The following NAV3 variants were observed in gnomAD, a reference collection of about 807,000 sequenced individuals.
NAV3 encodes the protein neuron navigator 3, also known as pore membrane and/or filament interacting like protein 1.
A neutral mutation model predicts 244.7 loss-of-function variants in NAV3; 87 were observed. The ratio of observed to expected loss-of-function variants is 0.36; its 90% CI spans 0.30 to 0.42. The LOEUF (loss-of-function observed/expected upper bound fraction) is 0.42. Among genes scored for constraint, NAV3 ranks in the 20% least tolerant of loss-of-function variants. NAV3 has a pLI of 1.00. For missense variants in NAV3, 2,663 were observed against 2,893.3 expected (o/e 0.92, Z 1.83); for synonymous variants, 1,126 against 1,042.2 (o/e 1.08, Z -1.55).
chr12:78,112,030 C>T (rs1479150649), intron 12 of NAV3, among the ~76,000 whole-genome samples: 3 of 152,156 alleles, frequency 2.0e-5, no homozygotes, highest in African/African-American at 7.2e-5. Flanking sequence ...AGAAGGTTCT[C>T]ATTTATTGGG....
At chr12:77,582,593 A>G (rs766456793) in intron 2 of NAV3, among the ~76,000 whole-genome samples, 9 of 152,230 alleles carry the variant, frequency 5.9e-5, no homozygotes, top group South Asian at 4.1e-4. Flanking sequence ...GATAAGCTAC[A>G]CAAAGAAAAT....
chr12:78,209,219 G>T (rs1199229066), intron 39 of NAV3, among the ~76,000 whole-genome samples: 4 of 151,982 alleles, frequency 2.6e-5, no homozygotes, highest in Non-Finnish European at 5.9e-5. Flanking sequence ...GCTGAAATTG[G>T]TGATTACCAG....
intron 1 of NAV3, among the ~76,000 whole-genome samples, chr12:77,881,710 T>C (rs1303292216): frequency 6.6e-6 from 1 of 152,078 alleles, no homozygotes; most frequent in Non-Finnish European, 1.5e-5. Flanking sequence ...CTAGAACTGG[T>C]AAGTGACTTT....
chr12:77,970,769 T>C (rs912198335), intron 5 of NAV3, among the ~76,000 whole-genome samples: 9 of 152,076 alleles, frequency 5.9e-5, no homozygotes, highest in Non-Finnish European at 1.0e-4. Flanking sequence ...GTGTTTTATG[T>C]GTTATTATTT....
At chr12:77,821,576 C>A (rs1872746984) in intron 2 of NAV3, among the ~76,000 whole-genome samples, 1 of 152,076 alleles carries the variant, frequency 6.6e-6, no homozygotes, top group African/African-American at 2.4e-5. Context: ...ACAACCATTG[C>A]AAATGACATT....
chr12:77,675,175 T>C (rs922777241), intron 2 of NAV3, among the ~76,000 whole-genome samples: 1 of 152,224 alleles, frequency 6.6e-6, no homozygotes, highest in African/African-American at 2.4e-5. Context: ...TTACATTGTT[T>C]GTTATTAATT....
In NAV3 at chr12:78,116,874, C is replaced by T. The variant is rs527886435; in HGVS notation, c.2739C>T (p.Asn913=). ...NTTSSVSSYS[N]ITVPSRKNTQ... is the part of the protein sequence containing the mutation. The stretch of plus-strand genomic sequence containing the variant: ...CATCCTCTGTCAGCTCTTACTCCAA[C>T]ATCACCGTCCCCTCTAGGAAGAATA... The change falls in exon 13 of 40, where the codon AAC becomes AAT. Residue 913 remains asparagine (N), a synonymous_variant. Transcript: ENST00000397909. 1 of 1,613,344 alleles carries T rather than the reference C, an allele frequency of 6.2e-7. No individual in the cohort carries two copies. Among genetic ancestry groups the T allele is most frequent in the East Asian group, 2.2e-5 (1 of 44,826 alleles).
intron 2 of NAV3, among the ~76,000 whole-genome samples, chr12:77,799,911 TG>T (rs1871614424): frequency 6.6e-6 from 1 of 152,210 alleles, no homozygotes; most frequent in Non-Finnish European, 1.5e-5. Flanking sequence ...ATAATGCTAC[TG>T]TAGTTTTTGA....
At position 78,206,360 on chromosome 12, in the gene NAV3, G is replaced by C. The variant is rs544456382; in HGVS notation, c.7038+1222G>C. Among the ~76,000 whole-genome samples the C allele has an allele frequency of 1.5e-4, 23 of 152,200 alleles. No homozygotes were observed. In the South Asian group the frequency reaches 4.8e-3, roughly 32 times the overall value. ...AATTGTGAGCATATACTAAATAATTGCTGATAGAATGATTAACAGAGTAAA... is the reference window on the plus strand; with the variant it reads ...AATTGTGAGCATATACTAAATAATTCCTGATAGAATGATTAACAGAGTAAA... On this transcript the variant is annotated intron_variant, in intron 39 of 39. Transcript: ENST00000397909.
intron 15 of NAV3, 115 bp downstream of exon 15, chr12:78,120,060 A>AT: frequency 4.2e-6 from 2 of 471,252 alleles, no homozygotes; most frequent in Non-Finnish European, 3.1e-6. Context: ...AGGTATATAT[A>AT]TATCTTAGAA....
At chr12:77,875,351 T>G (rs1881695167) in intron 1 of NAV3, among the ~76,000 whole-genome samples, 1 of 152,060 alleles carries the variant, frequency 6.6e-6, no homozygotes, top group Admixed American at 6.5e-5. Context: ...TTCAAAAAGG[T>G]CTTCTCTTAC....
chr12:77,760,486 G>T (rs941962604), intron 2 of NAV3, among the ~76,000 whole-genome samples: 2 of 152,222 alleles, frequency 1.3e-5, no homozygotes, highest in African/African-American at 4.8e-5. Context: ...AGTGTCACTT[G>T]TACTAGTAGC....
At chr12:77,806,866 T>C (rs1179801610) in intron 2 of NAV3, among the ~76,000 whole-genome samples, 1 of 152,228 alleles carries the variant, frequency 6.6e-6, no homozygotes, top group African/African-American at 2.4e-5. Context: ...TGGATGCATA[T>C]ATATTTAGGA....
At chr12:77,881,780 A>G (rs1198622430) in intron 1 of NAV3, among the ~76,000 whole-genome samples, 2 of 152,292 alleles carry the variant, frequency 1.3e-5, no homozygotes, top group East Asian at 3.9e-4. Context: ...ATACACCAAT[A>G]GCATCCAGGC....
At chr12:77,630,911 T>A (rs1871865913) in intron 2 of NAV3, among the ~76,000 whole-genome samples, 1 of 152,216 alleles carries the variant, frequency 6.6e-6, no homozygotes, top group Non-Finnish European at 1.5e-5. Flanking sequence ...AGAGCAGAAA[T>A]ATCATACATT....
intron 12 of NAV3, among the ~76,000 whole-genome samples, chr12:78,105,365 A>G (rs931918437): frequency 7.2e-5 from 11 of 152,096 alleles, no homozygotes; most frequent in Admixed American, 5.9e-4. Flanking sequence ...TAAAGTGGGG[A>G]TAATTGTACC....
chr12:77,748,919 T>C (rs941369149), intron 2 of NAV3, among the ~76,000 whole-genome samples: 1 of 152,240 alleles, frequency 6.6e-6, no homozygotes, highest in African/African-American at 2.4e-5. Flanking sequence ...GGTGAGGTGA[T>C]GTCTAACTGT....
At chr12:77,660,291 A>G (rs1873374786) in intron 2 of NAV3, among the ~76,000 whole-genome samples, 1 of 152,150 alleles carries the variant, frequency 6.6e-6, no homozygotes, top group Admixed American at 6.6e-5. Context: ...AATTTTACCA[A>G]GCAGGTCTTG....
At chr12:77,945,774 G>A (rs1890275737) in intron 3 of NAV3, among the ~76,000 whole-genome samples, 2 of 151,850 alleles carry the variant, frequency 1.3e-5, no homozygotes, top group African/African-American at 4.8e-5. Flanking sequence ...TTGAGACGAA[G>A]TCTCGCTGTG....
Sources: gnomAD v4.1 joint callset for allele counts (sites outside exome capture counted in the v4.1 genomes callset) on GRCh38, gnomAD v4.1.1 for gene constraint, MANE v1.5 for transcripts, NCBI Gene and HGNC (gene_info 2026-07-23, HGNC 2026-07-21) for gene names.